Variants in ASAP2 observed in about 807,000 individuals in gnomAD.
The protein encoded by ASAP2 is ArfGAP with SH3 domain, ankyrin repeat and PH domain 2, also known as arf-GAP with SH3 domain, ANK repeat and PH domain-containing protein 2.
ASAP2 carries 45 observed loss-of-function variants against 131.4 expected under a neutral mutation model. That is an observed-to-expected ratio of 0.34 (90% CI 0.27 to 0.44). ASAP2 has a LOEUF of 0.44. ASAP2 is among the 20% of genes least tolerant of loss of function. ASAP2 has a pLI of 1.00. For missense variants in ASAP2, 1,011 were observed against 1,297.0 expected, an observed-to-expected ratio of 0.78 and a Z score of 3.39; for synonymous variants, 510 against 503.0, an observed-to-expected ratio of 1.01 and a Z score of -0.19.
chr2:9,232,645 A>G lies in ASAP2; in HGVS notation c.126+25415A>G, dbSNP rs976046918. Among the ~76,000 whole-genome samples, 25 of 152,176 alleles carry G rather than the reference A, an allele frequency of 1.6e-4. No homozygotes were observed. Among genetic ancestry groups the G allele is most frequent in the African/African-American group, 6.0e-4 (25 of 41,432 alleles). ...TCTTACTTAGTGATGCATCCTCAGC[A>G]CCCAGAATTGCACTGGACACATCAT... On this transcript the variant is annotated intron_variant, in intron 1 of 27. Coordinates refer to ENST00000281419, the MANE Select transcript of ASAP2 (RefSeq NM_003887.3). The surrounding 1 kb of genome is among the most constrained non-coding windows in gnomAD (Gnocchi z 4.1).
chr2:9,341,429 A>G (rs1211374035), intron 9 of ASAP2, among the ~76,000 whole-genome samples: 1 of 152,210 alleles, frequency 6.6e-6, no homozygotes, highest in Non-Finnish European at 1.5e-5. Flanking sequence ...CCTAAAGAAA[A>G]GAATAAAACA....
At chr2:9,221,377 A>G (rs933528780) in intron 1 of ASAP2, among the ~76,000 whole-genome samples, 6 of 146,834 alleles carry the variant, frequency 4.1e-5, no homozygotes, top group African/African-American at 1.5e-4. Context: ...GCTGGAGTGC[A>G]ATGGTGCAAT....
intron 7 of ASAP2, among the ~76,000 whole-genome samples, chr2:9,334,039 CTTTTTTTTTTTTT>C (rs35495550): frequency 1.3e-4 from 7 of 53,290 alleles, no homozygotes; most frequent in Admixed American, 6.1e-4. Context: ...TGTCTTTCTC[CTTTTTTTTTTTTT>C]TTTTTTTTTT....
At chr2:9,355,925 A>G (rs1558361085) in intron 12 of ASAP2, 122 bp from the exon 13 acceptor site, 3 of 1,240,314 alleles carry the variant, frequency 2.4e-6, no homozygotes, top group Non-Finnish European at 3.5e-6. Context: ...ATTTTATACA[A>G]ATCAGTAATT....
rs1285679685 is a variant in ASAP2 at position 9,279,301 on chromosome 2, A to G, written c.127-16A>G. ...AGCACAGACACGGTTTAATGACTGT[A>G]TTCTCTACATTTTAGGCTTTGGACG... On this transcript the variant is annotated splice_polypyrimidine_tract_variant and intron_variant, in intron 1 of 27. Transcript: ENST00000281419. The G allele has an allele frequency of 1.2e-6, 2 of 1,613,012 alleles. No individual in the cohort carries two copies. The highest frequency in any genetic ancestry group is 2.2e-5 in the East Asian group (1 of 44,868).
chr2:9,402,676 C>A (rs532318199), intron 27 of ASAP2, among the ~76,000 whole-genome samples: 2 of 152,304 alleles, frequency 1.3e-5, no homozygotes, highest in Admixed American at 1.3e-4. Flanking sequence ...CAGCACCCCC[C>A]ACCCACTCCA....
chr2:9,252,347 G>C (rs745515368), intron 1 of ASAP2, among the ~76,000 whole-genome samples: 3 of 152,190 alleles, frequency 2.0e-5, no homozygotes, highest in Non-Finnish European at 4.4e-5. Context: ...TTGAGAGGTC[G>C]AGATGGGTGG....
chr2:9,334,839 T>C, intron 8 of ASAP2, 26 bp downstream of exon 8: 3 of 1,588,336 alleles, frequency 1.9e-6, no homozygotes, highest in South Asian at 2.2e-5. Flanking sequence ...CCCACTGTGG[T>C]TTAAAACCAT....
At chr2:9,239,106 GT>G (rs1263891699) in intron 1 of ASAP2, among the ~76,000 whole-genome samples, 1 of 152,290 alleles carries the variant, frequency 6.6e-6, no homozygotes, top group Admixed American at 6.5e-5. Flanking sequence ...TAGTTTGCTG[GT>G]TTTTTTGTCA....
intron 3 of ASAP2, among the ~76,000 whole-genome samples, chr2:9,298,957 T>C (rs533888032): frequency 1.3e-5 from 2 of 151,996 alleles, no homozygotes; most frequent in Admixed American, 6.5e-5. Flanking sequence ...ACAACTATGG[T>C]AAGAAAATAT....
chr2:9,385,694 T>C (rs1170660514), intron 21 of ASAP2, among the ~76,000 whole-genome samples: 2 of 152,338 alleles, frequency 1.3e-5, no homozygotes, highest in African/African-American at 4.8e-5. Flanking sequence ...AGAGCCAGAT[T>C]TCCCCCAGTC....
At chr2:9,378,853 T>C in intron 18 of ASAP2, 91 bp from the exon 19 acceptor site, 1 of 870,632 alleles carries the variant, frequency 1.1e-6, no homozygotes, top group East Asian at 3.3e-5. Flanking sequence ...CTGCCTTTCC[T>C]GTGCCCGTAG....
chr2:9,315,212 A>C (rs17627531), intron 3 of ASAP2, among the ~76,000 whole-genome samples: 44,726 of 152,122 alleles, frequency 0.29, 6,959 homozygotes, highest in Non-Finnish European at 0.36. Context: ...TAAGTAGTTT[A>C]GTCTTTATTA....
intron 1 of ASAP2, among the ~76,000 whole-genome samples, chr2:9,261,178 A>G (rs1240533648): frequency 6.6e-6 from 1 of 152,116 alleles, no homozygotes; most frequent in Non-Finnish European, 1.5e-5. Context: ...CAGGGTTTAG[A>G]GAAAGCAGGG....
Position 9,291,311 on chromosome 2 carries a change from C to T in ASAP2, c.200-5989C>T, listed in dbSNP as rs115797457. Among the ~76,000 whole-genome samples the T allele has an allele frequency of 2.5e-3, 375 of 152,210 alleles. 2 individuals carry two copies. The highest frequency in any genetic ancestry group is 8.5e-3 in the African/African-American group (354 of 41,522). On this transcript the variant is annotated intron_variant, in intron 2 of 27. Coordinates refer to ENST00000281419, the MANE Select transcript of ASAP2 (RefSeq NM_003887.3). ...TTGGAAATGAAAATATGTTTTCAGC[C>T]GTTTAGTTGGGATGATTCTAGAAAT... is the stretch of plus-strand genomic sequence containing the variant.
chr2:9,249,632 A>G (rs1453778663), intron 1 of ASAP2, among the ~76,000 whole-genome samples: 2 of 152,204 alleles, frequency 1.3e-5, no homozygotes, highest in East Asian at 3.9e-4. Flanking sequence ...AGCAGGGTGG[A>G]GCACCCACAC....
chr2:9,212,899 G>A (rs11693820), intron 1 of ASAP2, among the ~76,000 whole-genome samples: 8 of 152,234 alleles, frequency 5.3e-5, no homozygotes, highest in South Asian at 2.1e-4. Flanking sequence ...AGCACTGTTC[G>A]AGACGGAACC....
intron 2 of ASAP2, among the ~76,000 whole-genome samples, chr2:9,296,534 T>G (rs1162382419): frequency 6.6e-6 from 1 of 152,262 alleles, no homozygotes; most frequent in Non-Finnish European, 1.5e-5. Flanking sequence ...GCACCTGGTA[T>G]GTTTTTTCTG....
chr2:9,323,005 C>T, intron 5 of ASAP2, 116 bp from the exon 6 acceptor site: 1 of 1,291,614 alleles, frequency 7.7e-7, no homozygotes, highest in Non-Finnish European at 1.1e-6. Flanking sequence ...GCTGCCTGTG[C>T]TGAAACGTGT....
Sources: gnomAD v4.1 joint callset for allele counts (sites outside exome capture counted in the v4.1 genomes callset) on GRCh38, gnomAD v4.1.1 for gene constraint, Gnocchi (gnomAD v3.1) non-coding constraint, MANE v1.5 for transcripts, NCBI Gene and HGNC (gene_info 2026-07-23, HGNC 2026-07-21) for gene names.